Variants in VIPR1 observed in about 807,000 individuals in gnomAD.
VIPR1 encodes the protein vasoactive intestinal peptide receptor 1.
A neutral mutation model predicts 58.8 loss-of-function variants in VIPR1; 59 were observed. The observed-to-expected ratio is 1.00, with a 90% CI of 0.81 to 1.25. VIPR1 has a LOEUF of 1.25. Ranked by LOEUF, VIPR1 falls within the 50% of genes most tolerant of loss-of-function variation. The pLI, the probability that VIPR1 is intolerant of heterozygous loss-of-function variation, is 0.00. For synonymous variants in VIPR1, 251 were observed against 242.1 expected (o/e 1.04, Z -0.34); for missense variants, 626 against 602.7 (o/e 1.04, Z -0.40).
chr3:42,491,985 G>A (rs1459918965), intron 1 of VIPR1, among the ~76,000 whole-genome samples: 1 of 152,204 alleles, frequency 6.6e-6, no homozygotes, highest in African/African-American at 2.4e-5. Context: ...GAACAGGTGA[G>A]CAGGTGAGGG....
intron 1 of VIPR1, among the ~76,000 whole-genome samples, chr3:42,492,925 G>A (rs1261787272): frequency 6.6e-6 from 1 of 152,234 alleles, no homozygotes; most frequent in African/African-American, 2.4e-5. Flanking sequence ...CATGCAGGCT[G>A]GGCTACTGTG....
chr3:42,522,108 T>A (rs1375642104), intron 3 of VIPR1, among the ~76,000 whole-genome samples: 5,421 of 55,790 alleles, frequency 0.097, 155 homozygotes, highest in East Asian at 0.19. Context: ...TATATTTTTT[T>A]TTTTTTTTTT....
rs59106663 is a variant in VIPR1, at chr3:42,522,080, A to AATATATATATATATATATAT, written c.292+2753_292+2772dup. Among the ~76,000 whole-genome samples, 49 of 52,982 alleles carry AATATATATATATATATATAT rather than the reference A, an allele frequency of 9.2e-4. 1 individual carries two copies. The highest frequency in any genetic ancestry group is 3.1e-3 in the South Asian group (3 of 968). 34.8% of individuals were successfully genotyped at this position (52,982 alleles called of 152,430 possible). A position where few individuals can be genotyped will look rare whatever the true frequency, so the allele number is the denominator to read the frequency against. ...TCTTTCATCTGTGTTTCTACCTTCG[A>AATATATATATATATATATAT]ATATATATATATATATATATATTTT... is the stretch of plus-strand genomic sequence containing the variant. On this transcript the variant is annotated intron_variant, in intron 3 of 12. Coordinates refer to ENST00000325123, the MANE Select transcript of VIPR1 (RefSeq NM_004624.4).
At chr3:42,525,596 C>A (rs1701188632) in intron 3 of VIPR1, among the ~76,000 whole-genome samples, 1 of 152,186 alleles carries the variant, frequency 6.6e-6, no homozygotes, top group Non-Finnish European at 1.5e-5. Flanking sequence ...GGGTCTGTGA[C>A]AAGGATAAGA....
chr3:42,530,509 G>T (rs1222246521), intron 6 of VIPR1: 1 of 399,438 alleles, frequency 2.5e-6, no homozygotes, highest in Admixed American at 3.8e-5. Context: ...ATGATTGAAT[G>T]GGCAGATGGG....
rs977090441 is a variant in VIPR1, at chr3:42,527,900, T to C, written c.504-91T>C. 14 of 1,537,798 alleles carry C rather than the reference T, an allele frequency of 9.1e-6. No homozygotes were observed. In the Admixed American group the frequency reaches 2.6e-4, roughly 28 times the overall value. On this transcript the variant is annotated intron_variant, in intron 5 of 12. Coordinates refer to ENST00000325123, the MANE Select transcript of VIPR1 (RefSeq NM_004624.4). ...GCCCTCTGGAGGACACATGCTCCCC[T>C]GCCCCACCCTTGCTCAGCACATAGG...
exon 1 of VIPR1, chr3:42,489,552 T>G (rs1275758997): frequency 6.6e-6 from 1 of 152,336 alleles, no homozygotes; most frequent in Non-Finnish European, 1.5e-5. Flanking sequence ...ATGGATGAAC[T>G]CTGTGTGGTG....
upstream of VIPR1, chr3:42,502,592 C>A: frequency 1.7e-6 from 1 of 589,060 alleles, no homozygotes; most frequent in Non-Finnish European, 2.4e-6. Flanking sequence ...CCGGGGCCCG[C>A]CCCCAGCCCT....
chr3:42,510,383 G>A (rs1022012079), intron 1 of VIPR1, among the ~76,000 whole-genome samples: 1 of 152,156 alleles, frequency 6.6e-6, no homozygotes, highest in African/African-American at 2.4e-5. Context: ...ATTCAGCCAG[G>A]GAATTTTTCA....
Position 42,535,256 on chromosome 3 carries a change from G to A in VIPR1, c.1141-87G>A, listed in dbSNP as rs1019202874. The A allele has an allele frequency of 2.8e-5, 44 of 1,598,756 alleles. No individual in the cohort carries two copies. In the South Asian group the frequency reaches 4.8e-4, roughly 17 times the overall value. On this transcript the variant is annotated intron_variant, in intron 11 of 12. Transcript: ENST00000325123. ...GTGCTTAGCTCTTTCCTTAACCAGG[G>A]GAACACAGGGGCTGGAGCCAGGGGT...
intron 6 of VIPR1, 89 bp downstream of exon 6, chr3:42,528,212 T>A: frequency 6.7e-7 from 1 of 1,495,090 alleles, no homozygotes; most frequent in African/African-American, 1.4e-5. Flanking sequence ...CTTCTCCCTC[T>A]CCCTCCTCCC....
Position 42,531,512 on chromosome 3 carries a change from A to ATCCATTTTG in VIPR1, c.833_841dup (p.Phe280_Glu281insValHisPhe). The stretch of plus-strand genomic sequence containing the variant: ...CACCATGGTGTGGACCATCGCCAGG[A>ATCCATTTTG]TCCATTTTGAGGATTATGGGTGAGC... On this transcript the variant is annotated inframe_insertion, in exon 8 of 13. Coordinates refer to ENST00000325123, the MANE Select transcript of VIPR1 (RefSeq NM_004624.4). 1 of 1,596,202 alleles carries ATCCATTTTG rather than the reference A, an allele frequency of 6.3e-7. No homozygotes were observed.
chr3:42,504,132 G>GCTT (rs1700002359), intron 1 of VIPR1, among the ~76,000 whole-genome samples: 1 of 152,082 alleles, frequency 6.6e-6, no homozygotes, highest in South Asian at 2.1e-4. Context: ...GGCACAACTT[G>GCTT]CATGAAGCCT....
intron 3 of VIPR1, among the ~76,000 whole-genome samples, chr3:42,520,669 C>G (rs1484584510): frequency 6.6e-6 from 1 of 152,012 alleles, no homozygotes; most frequent in African/African-American, 2.4e-5. Flanking sequence ...TCATGAGGAG[C>G]AGAACTTATA....
Position 42,536,130 on chromosome 3 carries a change from T to C in VIPR1, c.1223T>C (p.Leu408Pro). Residue 408 changes from leucine to proline, a missense_variant, in exon 13 of 13, where the codon CTG (leucine) becomes CCG (proline). Coordinates refer to ENST00000325123, the MANE Select transcript of VIPR1 (RefSeq NM_004624.4). ...AGGCGGAAGTGGCGGCGCTGGCACC[T>C]GCAGGGCGTCCTGGGCTGGAACCCC... ...ELRRKWRRWH[L>P]QGVLGWNPKY... 1 of 1,605,048 alleles carries C rather than the reference T, an allele frequency of 6.2e-7. No homozygotes were observed. The highest frequency in any genetic ancestry group is 1.1e-5 in the South Asian group (1 of 89,334).
At chr3:42,516,315 A>G (rs1700625569) in intron 2 of VIPR1, among the ~76,000 whole-genome samples, 1 of 152,176 alleles carries the variant, frequency 6.6e-6, no homozygotes, top group South Asian at 2.1e-4. Context: ...TGCCTAGCCC[A>G]GGACAACAGG....
At chr3:42,528,428 T>G in intron 6 of VIPR1, 1 of 354,128 alleles carries the variant, frequency 2.8e-6, no homozygotes, top group Non-Finnish European at 5.3e-6. Context: ...GTCCCACCTG[T>G]TGCTAACTTC....
chr3:42,523,823 T>C (rs930283111), intron 3 of VIPR1, among the ~76,000 whole-genome samples: 42 of 150,978 alleles, frequency 2.8e-4, no homozygotes, highest in African/African-American at 1.0e-3. Flanking sequence ...TTAATCCTCT[T>C]TTTTTTTTCC....
In VIPR1 at chr3:42,531,514, C is replaced by G; in HGVS notation, c.834C>G (p.Ile278Met). The G allele has an allele frequency of 6.3e-7, 1 of 1,596,664 alleles. No homozygotes were observed. ...CCATGGTGTGGACCATCGCCAGGAT[C>G]CATTTTGAGGATTATGGGTGAGCTG... ...TFTMVWTIAR[I>M]HFEDYGCWDT... The change falls in exon 8 of 13, where the codon ATC (isoleucine) becomes ATG (methionine). Residue 278 changes from isoleucine to methionine, a missense_variant. Physicochemically the swap from Ile to Met is conservative, Grantham distance 10. Coordinates refer to ENST00000325123, the MANE Select transcript of VIPR1 (RefSeq NM_004624.4).
Sources: allele counts gnomAD v4.1 joint callset (sites outside exome capture counted in the v4.1 genomes callset), GRCh38; gene constraint gnomAD v4.1.1; transcripts MANE v1.5; gene names NCBI Gene and HGNC (gene_info 2026-07-23, HGNC 2026-07-21).